MYCBP2: variants seen among roughly 807,000 people sequenced by gnomAD.
MYCBP2 encodes MYC binding protein 2, also known as E3 ubiquitin-protein ligase MYCBP2.
Under a neutral mutation model 525.3 loss-of-function variants are expected in MYCBP2, and 120 were observed. That is an observed-to-expected ratio of 0.23 (90% confidence interval 0.20 to 0.27). The LOEUF (loss-of-function observed/expected upper bound fraction) is 0.27, where lower values mean the gene tolerates loss of function less well. Among genes scored for constraint, MYCBP2 ranks in the 10% least tolerant of loss-of-function variants. The pLI is 1.00. For missense variants in MYCBP2, 4,149 were observed against 5,657.1 expected, an observed-to-expected ratio of 0.73 and a Z score of 8.55; for synonymous variants, 1,894 against 1,955.8, an observed-to-expected ratio of 0.97 and a Z score of 0.83.
At chr13:77,191,560 A>C in intron 28 of MYCBP2, 119 bp downstream of exon 28, 2 of 1,182,112 alleles carry the variant, frequency 1.7e-6, no homozygotes, top group Non-Finnish European at 2.4e-6. Flanking sequence ...TTTAGCAGTT[A>C]TATTATGCTC....
chr13:77,252,793 ATAAAGT>A (rs2071444981), intron 14 of MYCBP2, among the ~76,000 whole-genome samples: 1 of 152,162 alleles, frequency 6.6e-6, no homozygotes, highest in Non-Finnish European at 1.5e-5. Context: ...TAGGATTAGA[ATAAAGT>A]GATCCTGAAG....
intron 43 of MYCBP2, among the ~76,000 whole-genome samples, chr13:77,163,205 T>C (rs961658350): frequency 6.6e-6 from 1 of 152,220 alleles, no homozygotes; most frequent in Non-Finnish European, 1.5e-5. Context: ...TTTTGAGTAT[T>C]TGTGCAAGTA....
At chr13:77,164,687 T>C in intron 42 of MYCBP2, 146 bp from the exon 43 acceptor site, 8 of 597,966 alleles carry the variant, frequency 1.3e-5, no homozygotes, top group Non-Finnish European at 1.5e-5. Context: ...GTAGATGAGA[T>C]TCAGTACTCA....
intron 44 of MYCBP2, among the ~76,000 whole-genome samples, chr13:77,160,065 C>CTTT (rs34051925): frequency 3.7e-5 from 5 of 136,246 alleles, no homozygotes; most frequent in South Asian, 2.4e-4. Flanking sequence ...AAATCACAAA[C>CTTT]TTTTTTTTTT....
chr13:77,243,612 CA>C, intron 16 of MYCBP2, among the ~76,000 whole-genome samples, 193 bp downstream of exon 16: 1 of 108,138 alleles, frequency 9.2e-6, no homozygotes, highest in Non-Finnish European at 1.9e-5. Context: ...GACTCCATCT[CA>C]AAAAAAGAAA....
chr13:77,245,537 A>ATAAG (rs1393749830), intron 15 of MYCBP2, among the ~76,000 whole-genome samples: 1 of 151,316 alleles, frequency 6.6e-6, no homozygotes, highest in Non-Finnish European at 1.5e-5. Context: ...GTTCTCACTC[A>ATAAG]TAAGTGGGAG....
At chr13:77,079,326 T>A (rs560769532) in intron 65 of MYCBP2, among the ~76,000 whole-genome samples, 3 of 152,218 alleles carry the variant, frequency 2.0e-5, no homozygotes, top group East Asian at 1.9e-4. Flanking sequence ...AGATTTGAAG[T>A]AGGATATATG....
chr13:77,309,338 G>A (rs1188563646), intron 1 of MYCBP2, among the ~76,000 whole-genome samples: 1 of 152,190 alleles, frequency 6.6e-6, no homozygotes, highest in East Asian at 1.9e-4. Flanking sequence ...ATGTTCACGA[G>A]GAGACTTTGA....
At chr13:77,195,947 T>C (rs1333958179) in intron 26 of MYCBP2, among the ~76,000 whole-genome samples, 4 of 152,224 alleles carry the variant, frequency 2.6e-5, no homozygotes, top group African/African-American at 4.8e-5. Context: ...ACCAATATTT[T>C]TGAACACATA....
chr13:77,213,168 A>G (rs1246454349), intron 21 of MYCBP2, among the ~76,000 whole-genome samples: 1 of 152,182 alleles, frequency 6.6e-6, no homozygotes, highest in African/African-American at 2.4e-5. Context: ...TGACAAAAAT[A>G]AGAGAGCACA....
At chr13:77,160,103 G>A (rs866248337) in intron 44 of MYCBP2, among the ~76,000 whole-genome samples, 23 of 122,830 alleles carry the variant, frequency 1.9e-4, no homozygotes, top group Admixed American at 5.6e-4. Context: ...TTTCACTCTT[G>A]TTGCCTGGGC....
intron 1 of MYCBP2, among the ~76,000 whole-genome samples, chr13:77,314,312 G>T (rs1351278317): frequency 4.6e-5 from 7 of 152,164 alleles, no homozygotes; most frequent in African/African-American, 1.7e-4. Flanking sequence ...CCTGCACACA[G>T]ATGTTTAGAG....
chr13:77,072,702 T>C (rs2041590479), intron 68 of MYCBP2, among the ~76,000 whole-genome samples: 1 of 152,132 alleles, frequency 6.6e-6, no homozygotes, highest in Non-Finnish European at 1.5e-5. Flanking sequence ...CTACAGGTTC[T>C]ACAGATATTA....
intron 15 of MYCBP2, among the ~76,000 whole-genome samples, chr13:77,245,744 AAC>A (rs71102727): frequency 0.04 from 5,748 of 143,064 alleles, 157 homozygotes; most frequent in African/African-American, 0.052. Flanking sequence ...AACGTAAAGT[AAC>A]ACACACACAC....
At chr13:77,187,038 G>C (rs1328049955) in intron 30 of MYCBP2, among the ~76,000 whole-genome samples, 1 of 151,958 alleles carries the variant, frequency 6.6e-6, no homozygotes, top group East Asian at 1.9e-4. Flanking sequence ...TTGAACTCCT[G>C]AGCTCAAGCA....
chr13:77,209,298 T>A (rs1264411176), intron 23 of MYCBP2, among the ~76,000 whole-genome samples: 1 of 152,256 alleles, frequency 6.6e-6, no homozygotes, highest in Non-Finnish European at 1.5e-5. Context: ...AAGTAAGTTT[T>A]TACTGTTACG....
rs111247542 is a variant in MYCBP2, at chr13:77,078,839, C to T, written c.11469G>A (p.Leu3823=). 3.7e-6 allele frequency: 6 copies of T among 1,613,580 alleles called. No homozygotes were observed. The African/African-American group carries it at 8.0e-5, about 22-fold the overall frequency. The change falls in exon 66 of 83, where the codon TTG becomes TTA. Residue 3823 remains leucine (L), a synonymous_variant. Transcript: ENST00000544440. The part of the protein sequence containing the change: ...TFLTGKAVED[L]CRIKQVDLDS... ...TTTCAATTACCTGCTTTATTCTGCA[C>T]AAATCTTCTACTGCTTTGCCAGTTA...
In MYCBP2 at chr13:77,244,719, T is replaced by C. The variant is rs538529715; in HGVS notation, c.2382-768A>G. On this transcript the variant is annotated intron_variant, in intron 15 of 82. Transcript: ENST00000544440. ...ACAGCAAAAGAAAGTATCATCAGAG[T>C]GAACAGGCAACCTACAGAATGGGAG... 3.9e-5 allele frequency among the ~76,000 whole-genome samples: 6 copies of C among 152,178 alleles called. No homozygotes were observed. In the East Asian group the frequency reaches 1.2e-3, roughly 29 times the overall value.
At position 77,213,292 on chromosome 13, in the gene MYCBP2, T is replaced by C. The variant is rs2064298560; in HGVS notation, c.3058-1132A>G. Among the ~76,000 whole-genome samples, 6 of 152,200 alleles carry C rather than the reference T, an allele frequency of 3.9e-5. No individual in the cohort carries two copies. The South Asian group carries it at 1.0e-3, about 26-fold the overall frequency. ...GTGTTTGAGACCAGCCTGGCCAACA[T>C]GGTGAAACCTCGTCTCTACTAAAAA... On this transcript the variant is annotated intron_variant, in intron 21 of 82. Coordinates refer to ENST00000544440, the MANE Select transcript of MYCBP2 (RefSeq NM_015057.5).
Sources: allele counts gnomAD v4.1 joint callset (sites outside exome capture counted in the v4.1 genomes callset), GRCh38; gene constraint gnomAD v4.1.1; transcripts MANE v1.5; gene names NCBI Gene and HGNC (gene_info 2026-07-23, HGNC 2026-07-21).